Variants in MYO7A observed in about 807,000 individuals in gnomAD.
The protein encoded by MYO7A is unconventional myosin-VIIa.
In MYO7A, 210 loss-of-function variants were observed where a neutral mutation model predicts 263.8. The ratio of observed to expected loss-of-function variants is 0.80; its 90% CI spans 0.71 to 0.89. The LOEUF (loss-of-function observed/expected upper bound fraction) is 0.89. Ranked by LOEUF, MYO7A falls within the 40% of genes least tolerant of loss-of-function variation. The probability of loss-of-function intolerance (pLI) is 0.00; values close to 1 mark genes in which losing one functional copy is unlikely to be tolerated. For missense variants in MYO7A, 2,820 were observed against 2,968.3 expected (o/e 0.95, Z 1.16); for synonymous variants, 1,239 against 1,197.3 (o/e 1.03, Z -0.72).
Position 77,181,367 on chromosome 11 carries a change from C to A in MYO7A, c.2695-13C>A. The A allele has an allele frequency of 6.5e-7, 1 of 1,549,488 alleles. No individual in the cohort carries two copies. The highest frequency in any genetic ancestry group is 1.2e-5 in the South Asian group (1 of 84,164). On this transcript the variant is annotated splice_polypyrimidine_tract_variant and intron_variant, in intron 22 of 48. Transcript: ENST00000409709. ...GCTGACCCCGTGTCTTCTGTGTCACCCCAATTGCCCAGGAGCGCCTGGCCC... is the reference window on the plus strand; with the variant it reads ...GCTGACCCCGTGTCTTCTGTGTCACACCAATTGCCCAGGAGCGCCTGGCCC...
At chr11:77,182,704 T>A in intron 25 of MYO7A, 104 bp downstream of exon 25, 1 of 1,273,518 alleles carries the variant, frequency 7.9e-7, no homozygotes, top group Non-Finnish European at 1.1e-6. Flanking sequence ...ATCCTATAAT[T>A]CATCTCTGCC....
rs782742557 is a variant in MYO7A at position 77,189,455 on chromosome 11, C to T, written c.3615C>T (p.Ser1205=). Residue 1205 remains serine, a synonymous_variant, in exon 28 of 49, where the codon TCC becomes TCT. Transcript: ENST00000409709. The part of the protein sequence containing the change: ...VSLCVGCFAP[S]EKFVKYLRNF... ...TCTGCGTGGGCTGTTTCGCCCCCTC[C>T]GAGAAGTTTGTCAAGGTAGGAAGGT... is the stretch of plus-strand genomic sequence containing the variant. The T allele has an allele frequency of 2.2e-5, 36 of 1,613,712 alleles. No individual in the cohort carries two copies. Among genetic ancestry groups the T allele is most frequent in the Admixed American group, 6.7e-5 (4 of 60,000 alleles).
chr11:77,192,978 T>TGA lies in MYO7A; in HGVS notation c.4152+700_4152+701insGA, dbSNP rs1565442777. The stretch of plus-strand genomic sequence containing the variant: ...ATGGTGTTGGTGATGGTGGAGGTAG[T>TGA]TGTGATGGTGGAGGTAGTGATGCTG... On this transcript the variant is annotated intron_variant, in intron 31 of 48. Coordinates refer to ENST00000409709, the MANE Select transcript of MYO7A (RefSeq NM_000260.4). Among the ~76,000 whole-genome samples, 20 of 22,202 alleles carry TGA rather than the reference T, an allele frequency of 9.0e-4. 1 individual carries two copies. Among genetic ancestry groups the TGA allele is most frequent in the African/African-American group, 5.0e-3 (10 of 2,004 alleles). The allele number at this position is 22,202 out of a possible 152,430, so 14.6% of individuals were successfully genotyped here. A position where few individuals can be genotyped will look rare whatever the true frequency, so the allele number is the denominator to read the frequency against.
At position 77,147,929 on chromosome 11, in the gene MYO7A, C is replaced by G. The variant is rs1555054860; in HGVS notation, c.264C>G (p.Arg88=). ...EAGILRNLLI[R]YRDHLIYTYT... ...GCATCTTGCGCAACCTGCTTATCCG[C>G]TACCGGGACCACCTCATCTACGTGA... Residue 88 remains arginine (R), a synonymous_variant, in exon 4 of 49, where the codon CGC becomes CGG. Coordinates refer to ENST00000409709, the MANE Select transcript of MYO7A (RefSeq NM_000260.4). 6.4e-7 allele frequency: 1 copy of G among 1,558,224 alleles called. No homozygotes were observed. Among genetic ancestry groups the G allele is most frequent in the Non-Finnish European group, 8.7e-7 (1 of 1,151,976 alleles).
At chr11:77,193,957 C>G (rs1307267113) in intron 31 of MYO7A, 4 of 465,988 alleles carry the variant, frequency 8.6e-6, no homozygotes, top group Non-Finnish European at 1.7e-5. Context: ...TGCCAGCAGA[C>G]CCTAGGTGTC....
chr11:77,187,802 G>A (rs1200044138), intron 27 of MYO7A, among the ~76,000 whole-genome samples: 5 of 152,220 alleles, frequency 3.3e-5, no homozygotes, highest in African/African-American at 1.2e-4. Flanking sequence ...AGGACAGCAG[G>A]ATGAGGCAGG....
chr11:77,174,648 G>A (rs527308641), intron 16 of MYO7A, 108 bp from the exon 17 acceptor site: 69 of 1,184,626 alleles, frequency 5.8e-5, no homozygotes, highest in East Asian at 4.9e-4. Flanking sequence ...CTCCCATGCC[G>A]TGTGGACTTG....
Position 77,207,161 on chromosome 11 carries a change from C to T in MYO7A, c.5743-128C>T, listed in dbSNP as rs1470907717. 1.4e-5 allele frequency: 9 copies of T among 626,656 alleles called. No homozygotes were observed. In the African/African-American group the frequency reaches 1.6e-4, roughly 11 times the overall value. 38.8% of individuals were successfully genotyped at this position (626,656 alleles called of 1,614,324 possible). On this transcript the variant is annotated intron_variant, in intron 41 of 48. Coordinates refer to ENST00000409709, the MANE Select transcript of MYO7A (RefSeq NM_000260.4). Reference sequence around the variant, plus strand: ...TCCTTTTGTTAAATGCCATGCCCAGCTCTGTGCCCACAGGAGGGTGTCTGG... The same window carrying T: ...TCCTTTTGTTAAATGCCATGCCCAGTTCTGTGCCCACAGGAGGGTGTCTGG...
In MYO7A at chr11:77,160,961, A is replaced by G. The variant is rs542772429; in HGVS notation, c.1201-12A>G. The G allele has an allele frequency of 8.0e-5, 127 of 1,588,676 alleles. No individual in the cohort carries two copies. The highest frequency in any genetic ancestry group is 1.1e-4 in the Admixed American group (6 of 55,570). Reference sequence around the variant, plus strand: ...GTGTGGCTGGTGCCAGTGGCTGATCACTGCCTTTCAGGGGATCTACGGGCG... The same window carrying G: ...GTGTGGCTGGTGCCAGTGGCTGATCGCTGCCTTTCAGGGGATCTACGGGCG... On this transcript the variant is annotated splice_polypyrimidine_tract_variant and intron_variant, in intron 11 of 48. Transcript: ENST00000409709.
rs1441314634 is a variant in MYO7A, at chr11:77,160,956, T to A, written c.1201-17T>A. On this transcript the variant is annotated splice_polypyrimidine_tract_variant and intron_variant, in intron 11 of 48. Coordinates refer to ENST00000409709, the MANE Select transcript of MYO7A (RefSeq NM_000260.4). ...GGAGGGTGTGGCTGGTGCCAGTGGC[T>A]GATCACTGCCTTTCAGGGGATCTAC... 3.2e-6 allele frequency: 5 copies of A among 1,584,700 alleles called. No individual in the cohort carries two copies. Among genetic ancestry groups the A allele is most frequent in the Non-Finnish European group, 3.4e-6 (4 of 1,167,048 alleles).
At chr11:77,145,851 TC>T (rs1450094594) in intron 3 of MYO7A, among the ~76,000 whole-genome samples, 48 of 152,252 alleles carry the variant, frequency 3.2e-4, no homozygotes, top group African/African-American at 1.1e-3. Context: ...GCCACCCTCC[TC>T]CGAGCCTGTT....
intron 14 of MYO7A, among the ~76,000 whole-genome samples, chr11:77,165,440 C>G (rs1163436524): frequency 6.6e-6 from 1 of 152,184 alleles, no homozygotes; most frequent in Non-Finnish European, 1.5e-5. Context: ...ATCCTGGGTT[C>G]TGGGTGCAGA....
intron 22 of MYO7A, 85 bp from the exon 23 acceptor site, chr11:77,181,295 A>G (rs1555083920): frequency 5.8e-5 from 74 of 1,285,774 alleles, no homozygotes; most frequent in Non-Finnish European, 7.7e-5. Flanking sequence ...TGGCTGCTGC[A>G]GGGGCTCCCC....
At chr11:77,153,168 G>C (rs541939248) in intron 4 of MYO7A, among the ~76,000 whole-genome samples, 7 of 152,290 alleles carry the variant, frequency 4.6e-5, no homozygotes, top group Admixed American at 4.6e-4. Flanking sequence ...GGAGTCCAGT[G>C]GGGAGGCACC....
intron 2 of MYO7A, among the ~76,000 whole-genome samples, chr11:77,136,944 C>T (rs1488174601): frequency 1.3e-5 from 2 of 152,186 alleles, no homozygotes; most frequent in Admixed American, 6.5e-5. Flanking sequence ...GCTGGGAGCT[C>T]TGAGGACATG....
chr11:77,209,319 TGGAACTGGG>T (rs1271311733), intron 44 of MYO7A: 1 of 155,386 alleles, frequency 6.4e-6, no homozygotes, highest in Non-Finnish European at 1.4e-5. Context: ...ACACAGCTGA[TGGAACTGGG>T]GTTTGATTCC....
Position 77,181,608 on chromosome 11 carries a change from G to T in MYO7A, c.2904+19G>T. The T allele has an allele frequency of 6.2e-7, 1 of 1,608,060 alleles. No homozygotes were observed. On this transcript the variant is annotated intron_variant, in intron 23 of 48. Transcript: ENST00000409709. ...CTTTGAGGTACCAGGCTAGGGACAG[G>T]GGCTCCAGAGGCCCACACACACCGC... is the stretch of plus-strand genomic sequence containing the variant.
rs1375948343 is a variant in MYO7A, at chr11:77,189,574, GC to G, written c.3630+107del. 14 of 1,501,612 alleles carry G rather than the reference GC, an allele frequency of 9.3e-6. No individual in the cohort carries two copies. The Admixed American group carries it at 2.1e-4, about 22-fold the overall frequency. The allele number at this position is 1,501,612 out of a possible 1,614,324, so 93.0% of individuals were successfully genotyped here. ...GGGCTCCAAAGGGCCTGGTCACAAG[GC>G]CCACCCGGCCACTCCTTACTGAGCC... On this transcript the variant is annotated intron_variant, in intron 28 of 48. Coordinates refer to ENST00000409709, the MANE Select transcript of MYO7A (RefSeq NM_000260.4).
At chr11:77,201,107 G>A (rs1051418922) in intron 35 of MYO7A, among the ~76,000 whole-genome samples, 17 of 152,226 alleles carry the variant, frequency 1.1e-4, no homozygotes, top group Non-Finnish European at 2.2e-4. Context: ...GCACAGAGGC[G>A]GGAGAAAGCT....
Sources: allele counts gnomAD v4.1 joint callset (sites outside exome capture counted in the v4.1 genomes callset), GRCh38; gene constraint gnomAD v4.1.1; transcripts MANE v1.5; gene names NCBI Gene and HGNC (gene_info 2026-07-23, HGNC 2026-07-21).